Variants in PDE4B observed in about 807,000 individuals in gnomAD.
PDE4B encodes 3',5'-cyclic-AMP phosphodiesterase 4B.
A neutral mutation model predicts 82.2 loss-of-function variants in PDE4B; 20 were observed. That is an observed-to-expected ratio of 0.24 (90% CI 0.17 to 0.35). The LOEUF is 0.35. Among genes scored for constraint, PDE4B ranks in the 10% least tolerant of loss-of-function variants. The probability of loss-of-function intolerance (pLI) is 1.00; values close to 1 mark genes in which losing one functional copy is unlikely to be tolerated. For missense variants in PDE4B, 655 were observed against 907.2 expected, an observed-to-expected ratio of 0.72 and a Z score of 3.57; for synonymous variants, 320 against 318.9, an observed-to-expected ratio of 1.00 and a Z score of -0.04.
At chr1:65,835,144 C>A (rs1401799850) in intron 1 of PDE4B, among the ~76,000 whole-genome samples, 2 of 151,984 alleles carry the variant, frequency 1.3e-5, no homozygotes, top group African/African-American at 2.4e-5. Flanking sequence ...AGTTGAGAAA[C>A]CAGGGAACAT....
intron 10 of PDE4B, 50 bp downstream of exon 10, chr1:66,361,843 ACG>A: frequency 2.1e-6 from 3 of 1,451,030 alleles, no homozygotes; most frequent in Non-Finnish European, 2.8e-6. Context: ...TTTACAGCAG[ACG>A]GATGACCGTA....
At chr1:66,303,856 G>C (rs1247038787) in intron 7 of PDE4B, among the ~76,000 whole-genome samples, 1 of 152,144 alleles carries the variant, frequency 6.6e-6, no homozygotes, top group Non-Finnish European at 1.5e-5. Context: ...CAAGCTTCAT[G>C]CCAAACCTCT....
In PDE4B at chr1:65,901,151, G is replaced by T. The variant is rs192389888; in HGVS notation, c.-70-12094G>T. 4.4e-3 allele frequency among the ~76,000 whole-genome samples: 671 copies of T among 152,034 alleles called. 2 individuals are homozygous for T. The highest frequency in any genetic ancestry group is 8.0e-3 in the Admixed American group (122 of 15,238). ...TTCTTTGATGCCTAATATGTTGAGAGTTTTTTCATGAAGGGATGTTGGATT... is the reference window on the plus strand; with the variant it reads ...TTCTTTGATGCCTAATATGTTGAGATTTTTTTCATGAAGGGATGTTGGATT... On this transcript the variant is annotated intron_variant, in intron 1 of 16. Coordinates refer to ENST00000341517, the MANE Select transcript of PDE4B (RefSeq NM_002600.4).
At chr1:65,827,389 G>A (rs1173296659) in intron 1 of PDE4B, among the ~76,000 whole-genome samples, 1 of 152,082 alleles carries the variant, frequency 6.6e-6, no homozygotes, top group Non-Finnish European at 1.5e-5. Flanking sequence ...AACTCTATTG[G>A]AAAAGTTAGA....
intron 1 of PDE4B, among the ~76,000 whole-genome samples, chr1:65,833,468 A>G (rs769990051): frequency 6.6e-6 from 1 of 152,202 alleles, no homozygotes; most frequent in African/African-American, 2.4e-5. Flanking sequence ...TTAGCTCAAT[A>G]AAAGGAAGTA....
chr1:65,867,602 C>T lies in PDE4B; in HGVS notation c.-70-45643C>T, dbSNP rs559233490. On this transcript the variant is annotated intron_variant, in intron 1 of 16. Transcript: ENST00000341517. ...AGCCTCTAGCTGTGTGCAGCCTTGTCTTTTTTATCTTAATGAACTATACAG... is the reference window on the plus strand; with the variant it reads ...AGCCTCTAGCTGTGTGCAGCCTTGTTTTTTTTATCTTAATGAACTATACAG... 1.4e-3 allele frequency among the ~76,000 whole-genome samples: 208 copies of T among 152,278 alleles called. 1 individual carries two copies. Among genetic ancestry groups the T allele is most frequent in the Middle Eastern group, 3.4e-3 (1 of 294 alleles).
intron 7 of PDE4B, among the ~76,000 whole-genome samples, chr1:66,288,254 T>C (rs1254254776): frequency 3.9e-5 from 6 of 151,978 alleles, no homozygotes; most frequent in Admixed American, 2.6e-4. Flanking sequence ...CCAGATCTTA[T>C]GAGAAATCAC....
At chr1:65,982,403 A>G (rs571842972) in intron 3 of PDE4B, among the ~76,000 whole-genome samples, 2 of 152,154 alleles carry the variant, frequency 1.3e-5, no homozygotes, top group Non-Finnish European at 2.9e-5. Context: ...TGTTAAGCAA[A>G]ACGTAACCAG....
At chr1:66,047,270 G>A (rs899071684) in intron 3 of PDE4B, among the ~76,000 whole-genome samples, 7 of 151,870 alleles carry the variant, frequency 4.6e-5, no homozygotes, top group African/African-American at 9.6e-5. Flanking sequence ...ACCTTTATTT[G>A]CCTCAGTTTC....
intron 7 of PDE4B, among the ~76,000 whole-genome samples, chr1:66,307,792 CTGT>C (rs2101856140): frequency 6.6e-6 from 1 of 151,820 alleles, no homozygotes; most frequent in East Asian, 1.9e-4. Context: ...TTTGTTGTTG[CTGT>C]TGTTATTGTT....
intron 3 of PDE4B, among the ~76,000 whole-genome samples, chr1:65,981,117 A>G (rs1220766536): frequency 2.0e-5 from 3 of 152,138 alleles, no homozygotes; most frequent in Non-Finnish European, 4.4e-5. Flanking sequence ...TAGAAGGTAA[A>G]AAATCTGGAA....
intron 1 of PDE4B, among the ~76,000 whole-genome samples, chr1:65,818,685 C>CACACATATATATATATATATAT (rs141035147): frequency 2.8e-5 from 4 of 143,764 alleles, no homozygotes; most frequent in African/African-American, 1.0e-4. Flanking sequence ...CACACACACA[C>CACACATATATATATATATATAT]ATATATATAT....
intron 3 of PDE4B, among the ~76,000 whole-genome samples, chr1:66,212,313 A>C (rs1044820615): frequency 4.6e-5 from 7 of 151,958 alleles, no homozygotes; most frequent in African/African-American, 1.5e-4. Flanking sequence ...TCTGACATCC[A>C]CTTTCCTTCT....
chr1:66,209,065 C>T (rs898393030), intron 3 of PDE4B, among the ~76,000 whole-genome samples: 1 of 152,208 alleles, frequency 6.6e-6, no homozygotes, highest in Non-Finnish European at 1.5e-5. Flanking sequence ...GATATGAATA[C>T]TTAGACTCAT....
intron 3 of PDE4B, among the ~76,000 whole-genome samples, chr1:66,139,664 A>G (rs981442648): frequency 6.7e-6 from 1 of 149,032 alleles, no homozygotes; most frequent in African/African-American, 2.5e-5. Flanking sequence ...CCTTCTGCCC[A>G]CTCTACCATC....
At chr1:66,188,988 A>G (rs967547849) in intron 3 of PDE4B, among the ~76,000 whole-genome samples, 2 of 151,994 alleles carry the variant, frequency 1.3e-5, no homozygotes, top group Non-Finnish European at 2.9e-5. Flanking sequence ...TTTCCTTTCT[A>G]TGTTTAGTGC....
At chr1:66,266,710 A>C (rs1655070825) in intron 7 of PDE4B, 2 of 527,192 alleles carry the variant, frequency 3.8e-6, no homozygotes, top group Middle Eastern at 3.2e-4. Context: ...TGAGAGCTGC[A>C]GAGAGGAAGG....
At chr1:66,203,667 T>G (rs377308494) in intron 3 of PDE4B, among the ~76,000 whole-genome samples, 7 of 152,222 alleles carry the variant, frequency 4.6e-5, no homozygotes, top group African/African-American at 1.7e-4. Context: ...GCATTCTTCA[T>G]GTAGTTCTCG....
At chr1:66,015,986 A>G (rs1418351052) in intron 3 of PDE4B, among the ~76,000 whole-genome samples, 1 of 152,230 alleles carries the variant, frequency 6.6e-6, no homozygotes, top group African/African-American at 2.4e-5. Context: ...ATTGAGATGC[A>G]TAAGACAAAA....
Sources: gnomAD v4.1 joint callset for allele counts (sites outside exome capture counted in the v4.1 genomes callset) on GRCh38, gnomAD v4.1.1 for gene constraint, MANE v1.5 for transcripts, NCBI Gene and HGNC (gene_info 2026-07-23, HGNC 2026-07-21) for gene names.